Variants in PXDN observed in about 807,000 individuals in gnomAD.
PXDN encodes peroxidasin homolog.
A neutral mutation model predicts 140.3 loss-of-function variants in PXDN; 77 were observed. That is an observed-to-expected ratio of 0.55 (90% CI 0.46 to 0.66). PXDN has a LOEUF of 0.66. Ranked by LOEUF, PXDN falls within the 30% of genes least tolerant of loss-of-function variation. The pLI is 0.00. For synonymous variants in PXDN, 911 were observed against 857.4 expected (o/e 1.06, Z -1.09); for missense variants, 1,838 against 2,039.5 (o/e 0.90, Z 1.90).
intron 9 of PXDN, among the ~76,000 whole-genome samples, chr2:1,670,300 CAAAG>C (rs1365273099): frequency 6.6e-6 from 1 of 152,122 alleles, no homozygotes; most frequent in Non-Finnish European, 1.5e-5. Context: ...TGCAGCTATA[CAAAG>C]AAAGAGAGTA....
At chr2:1,724,008 A>G (rs901097108) in intron 1 of PXDN, among the ~76,000 whole-genome samples, 2 of 152,242 alleles carry the variant, frequency 1.3e-5, no homozygotes, top group African/African-American at 4.8e-5. Context: ...TCTTATTCCC[A>G]AAAGGAAGCT....
At chr2:1,666,173 G>A in intron 10 of PXDN, 41 bp downstream of exon 10, 2 of 1,604,172 alleles carry the variant, frequency 1.2e-6, no homozygotes, top group East Asian at 4.5e-5. Flanking sequence ...GGGTGAGGAT[G>A]GGGCTGAGCC....
rs200177864 is a variant in PXDN at position 1,638,819 on chromosome 2, G to A, written c.4206+27C>T. 4,427 of 1,613,722 alleles carry A rather than the reference G, an allele frequency of 2.7e-3. 7 individuals carry two copies. The highest frequency in any genetic ancestry group is 3.2e-3 in the Non-Finnish European group (3,783 of 1,179,786). Reference sequence around the variant, plus strand: ...GTGCTGCTGTGGAATCTTGGAGTGGGGGGACACAGGCCGCCAGGCACCTCA... The same window carrying A: ...GTGCTGCTGTGGAATCTTGGAGTGGAGGGACACAGGCCGCCAGGCACCTCA... On this transcript the variant is annotated intron_variant, in intron 21 of 22. Transcript: ENST00000252804.
At chr2:1,730,042 A>C (rs1031137934) in intron 1 of PXDN, among the ~76,000 whole-genome samples, 1 of 151,638 alleles carries the variant, frequency 6.6e-6, no homozygotes, top group Non-Finnish European at 1.5e-5. Context: ...ATGACAGATA[A>C]ATATTAACAG....
rs757143443 is a variant in PXDN, at chr2:1,649,232, C to T, written c.2548G>A (p.Val850Met). The T allele has an allele frequency of 1.1e-5, 17 of 1,612,952 alleles. No individual in the cohort carries two copies. The highest frequency in any genetic ancestry group is 8.3e-5 in the Admixed American group (5 of 59,916). Residue 850 changes from valine to methionine, a missense_variant, in exon 17 of 23, where the codon GTG becomes ATG. Coordinates refer to ENST00000252804, the MANE Select transcript of PXDN (RefSeq NM_012293.3). This position sits in a 1 kb window ranked among gnomAD's most constrained non-coding sequence, Gnocchi z 7.1. Reference sequence around the variant, plus strand: ...AAGCAGGGGGGGTCGTTGCTGCACACGTTGCTGCAGTGCTGTCCGTCGGAG... The same window carrying T: ...AAGCAGGGGGGGTCGTTGCTGCACATGTTGCTGCAGTGCTGTCCGTCGGAG... ...RFSDGQHCSN[V>M]CSNDPPCFSV... is the part of the protein sequence containing the mutation.
intron 19 of PXDN, among the ~76,000 whole-genome samples, chr2:1,642,396 G>A (rs1006362249): frequency 6.6e-6 from 1 of 152,218 alleles, no homozygotes; most frequent in African/African-American, 2.4e-5. Flanking sequence ...TGAGGTGGTG[G>A]AGAATATGTG....
intron 1 of PXDN, among the ~76,000 whole-genome samples, chr2:1,721,099 G>A (rs1685039711): frequency 6.6e-6 from 1 of 152,180 alleles, no homozygotes; most frequent in Admixed American, 6.5e-5. Flanking sequence ...AAATGTTACT[G>A]TCCTCTAAAA....
In PXDN at chr2:1,744,253, C is replaced by T. The variant is rs1159041197; in HGVS notation, c.200+3G>A. 1 of 1,496,718 alleles carries T rather than the reference C, an allele frequency of 6.7e-7. No individual in the cohort carries two copies. Among genetic ancestry groups the T allele is most frequent in the Non-Finnish European group, 8.9e-7 (1 of 1,127,610 alleles). 92.7% of individuals were successfully genotyped at this position (1,496,718 alleles called of 1,614,324 possible). A position where few individuals can be genotyped will look rare whatever the true frequency, so the allele number is the denominator to read the frequency against. On this transcript the variant is annotated splice_donor_region_variant and intron_variant, in intron 1 of 22. Coordinates refer to ENST00000252804, the MANE Select transcript of PXDN (RefSeq NM_012293.3). ...CGCCCCCGGCGTCCCCCGCGGCACTCACAGGATGGAGGTCTGCGGCGCCAC... is the reference window on the plus strand; with the variant it reads ...CGCCCCCGGCGTCCCCCGCGGCACTTACAGGATGGAGGTCTGCGGCGCCAC...
chr2:1,665,159 G>T, intron 10 of PXDN, 85 bp from the exon 11 acceptor site: 1 of 998,678 alleles, frequency 1.0e-6, no homozygotes, highest in Non-Finnish European at 1.5e-6. Context: ...CACAGTCTTG[G>T]CAGACGTCTG....
chr2:1,700,363 T>C (rs1427667084), intron 1 of PXDN, among the ~76,000 whole-genome samples: 1 of 152,100 alleles, frequency 6.6e-6, no homozygotes, highest in African/African-American at 2.4e-5. Flanking sequence ...CATCCAGCCA[T>C]TGTCTGGATT....
intron 1 of PXDN, among the ~76,000 whole-genome samples, chr2:1,719,525 C>G (rs1489502750): frequency 6.6e-6 from 1 of 152,244 alleles, no homozygotes; most frequent in Non-Finnish European, 1.5e-5. Flanking sequence ...TCCCTAGCAC[C>G]CCTGTGCCTC....
chr2:1,711,774 C>T (rs1023182122), intron 1 of PXDN, among the ~76,000 whole-genome samples: 1 of 152,216 alleles, frequency 6.6e-6, no homozygotes, highest in African/African-American at 2.4e-5. Context: ...GATGACGCCC[C>T]TAAACAGCCA....
At chr2:1,730,119 G>A (rs116783578) in intron 1 of PXDN, among the ~76,000 whole-genome samples, 1,647 of 152,268 alleles carry the variant, frequency 0.011, 25 homozygotes, top group African/African-American at 0.036. Context: ...TGAGAACAAA[G>A]CCCAGCTAAT....
At chr2:1,666,095 C>T (rs970792171) in intron 10 of PXDN, 119 bp downstream of exon 10, 17 of 1,359,666 alleles carry the variant, frequency 1.3e-5, no homozygotes, top group East Asian at 1.2e-4. Flanking sequence ...AAAAATCAAC[C>T]GAGTGAAGTG....
At chr2:1,668,451 T>C (rs901393062) in intron 9 of PXDN, among the ~76,000 whole-genome samples, 1 of 152,034 alleles carries the variant, frequency 6.6e-6, no homozygotes, top group Non-Finnish European at 1.5e-5. Context: ...AAGTGACAAA[T>C]GGAATCTAAT....
chr2:1,704,671 C>T (rs1471236289), intron 1 of PXDN, among the ~76,000 whole-genome samples: 2 of 125,804 alleles, frequency 1.6e-5, no homozygotes, highest in Admixed American at 1.8e-4. Flanking sequence ...GAAGGGGGGG[C>T]AACTCCAAGA....
chr2:1,702,219 TGAGTG>T (rs1684452160), intron 1 of PXDN, among the ~76,000 whole-genome samples: 1 of 152,080 alleles, frequency 6.6e-6, no homozygotes, highest in African/African-American at 2.4e-5. Context: ...AGAGGAGGCT[TGAGTG>T]GAGTGAAGAT....
In PXDN at chr2:1,651,413, C is replaced by T. The variant is rs1002907374; in HGVS notation, c.2105-1738G>A. Among the ~76,000 whole-genome samples the T allele has an allele frequency of 1.3e-5, 2 of 152,190 alleles. No individual in the cohort carries two copies. Among genetic ancestry groups the T allele is most frequent in the Non-Finnish European group, 2.9e-5 (2 of 68,046 alleles). On this transcript the variant is annotated intron_variant, in intron 16 of 22. Coordinates refer to ENST00000252804, the MANE Select transcript of PXDN (RefSeq NM_012293.3). This position sits in a 1 kb window ranked among gnomAD's most constrained non-coding sequence, Gnocchi z 4.4. Reference sequence around the variant, plus strand: ...TGCCCACATCTGTCCTCACCCCATGCAGAGTGGTCACCCAGCCCGATGCTT... The same window carrying T: ...TGCCCACATCTGTCCTCACCCCATGTAGAGTGGTCACCCAGCCCGATGCTT...
chr2:1,712,377 C>G (rs923900428), intron 1 of PXDN, among the ~76,000 whole-genome samples: 7 of 152,172 alleles, frequency 4.6e-5, no homozygotes, highest in African/African-American at 1.7e-4. Context: ...TGCATCATGT[C>G]TTAAAATAAT....
Sources: allele counts gnomAD v4.1 joint callset (sites outside exome capture counted in the v4.1 genomes callset), GRCh38; gene constraint gnomAD v4.1.1; non-coding constraint Gnocchi (gnomAD v3.1); transcripts MANE v1.5; gene names NCBI Gene and HGNC (gene_info 2026-07-23, HGNC 2026-07-21).